WNT2: variants seen among roughly 807,000 people sequenced by gnomAD.
WNT2 encodes protein Wnt-2.
A neutral mutation model predicts 36.9 loss-of-function variants in WNT2; 12 were observed. The ratio of observed to expected loss-of-function variants is 0.33; its 90% CI spans 0.21 to 0.53. The LOEUF is 0.53. Among genes scored for constraint, WNT2 ranks in the 20% least tolerant of loss-of-function variants. The pLI is 0.95. For synonymous variants in WNT2, 163 were observed against 174.6 expected (o/e 0.93, Z 0.52); for missense variants, 379 against 473.1 (o/e 0.80, Z 1.84).
intron 4 of WNT2, 151 bp from the exon 5 acceptor site, chr7:117,278,535 T>A: frequency 1.3e-6 from 1 of 742,258 alleles, no homozygotes; most frequent in Non-Finnish European, 2.2e-6. Context: ...TGTGGGCCCA[T>A]GCCATGTGTG....
chr7:117,301,538 C>T (rs1449353459), intron 3 of WNT2, among the ~76,000 whole-genome samples: 1 of 152,174 alleles, frequency 6.6e-6, no homozygotes. Flanking sequence ...CCAGGCTCCA[C>T]ACCAGGTGGT....
chr7:117,290,988 A>G (rs917006785), intron 4 of WNT2, among the ~76,000 whole-genome samples: 3 of 152,242 alleles, frequency 2.0e-5, no homozygotes, highest in African/African-American at 7.2e-5. Context: ...ATGTTTAATC[A>G]TTAAAAACAT....
chr7:117,278,905 G>T (rs1794430815), intron 4 of WNT2, among the ~76,000 whole-genome samples: 1 of 152,206 alleles, frequency 6.6e-6, no homozygotes, highest in Non-Finnish European at 1.5e-5. Flanking sequence ...AAAGGGAATA[G>T]AACTCTGGTT....
At chr7:117,301,630 G>A (rs1472599028) in intron 3 of WNT2, among the ~76,000 whole-genome samples, 2 of 152,164 alleles carry the variant, frequency 1.3e-5, no homozygotes, top group Non-Finnish European at 2.9e-5. Context: ...TGCGCTCTGC[G>A]AGGAAAGGAA....
At chr7:117,313,208 G>A (rs1426275862) in intron 3 of WNT2, among the ~76,000 whole-genome samples, 2 of 152,114 alleles carry the variant, frequency 1.3e-5, no homozygotes, top group African/African-American at 4.8e-5. Context: ...TCTAATGACC[G>A]CAAGAAGAGA....
At chr7:117,315,777 C>T (rs2116387842) in intron 2 of WNT2, among the ~76,000 whole-genome samples, 1 of 152,334 alleles carries the variant, frequency 6.6e-6, no homozygotes. Context: ...GTACTCATGA[C>T]ACCACAGCTT....
chr7:117,276,896 T>C lies in WNT2; in HGVS notation c.*1259A>G, dbSNP rs1459995680. The stretch of plus-strand genomic sequence containing the variant: ...TTAAACATAGTCTCCAAGTTACGAT[T>C]TGTTTGCAATATAATATAGCAGGGT... On this transcript the variant is annotated 3_prime_UTR_variant, in exon 5 of 5. Transcript: ENST00000265441. 1 of 152,252 alleles carries C rather than the reference T, an allele frequency of 6.6e-6. No individual in the cohort carries two copies. The highest frequency in any genetic ancestry group is 2.4e-5 in the African/African-American group (1 of 41,470). The allele number at this position is 152,252 out of a possible 1,614,324, so 9.4% of individuals were successfully genotyped here.
intron 4 of WNT2, among the ~76,000 whole-genome samples, chr7:117,291,055 C>T (rs181276252): frequency 1.5e-3 from 222 of 152,304 alleles, no homozygotes; most frequent in African/African-American, 5.1e-3. Context: ...TGAGCTTCTG[C>T]AAAGTAGGCC....
intron 4 of WNT2, among the ~76,000 whole-genome samples, chr7:117,289,578 C>CTTAGAATTA (rs1794648131): frequency 6.6e-6 from 1 of 152,186 alleles, no homozygotes; most frequent in African/African-American, 2.4e-5. Flanking sequence ...AGCTATGAAG[C>CTTAGAATTA]AGCGCTAACA....
chr7:117,311,664 T>A (rs1234802972), intron 3 of WNT2, among the ~76,000 whole-genome samples: 1 of 152,244 alleles, frequency 6.6e-6, no homozygotes. Flanking sequence ...GTGATCAGAT[T>A]GAATCCTAAA....
chr7:117,300,249 C>T (rs1442004602), intron 3 of WNT2, among the ~76,000 whole-genome samples: 1 of 152,060 alleles, frequency 6.6e-6, no homozygotes, highest in Non-Finnish European at 1.5e-5. Flanking sequence ...TGCAGTGGCG[C>T]GATCTCAGCT....
At chr7:117,288,622 G>A (rs1794629385) in intron 4 of WNT2, among the ~76,000 whole-genome samples, 2 of 152,048 alleles carry the variant, frequency 1.3e-5, no homozygotes, top group South Asian at 4.1e-4. Flanking sequence ...AGATAAAAGG[G>A]CATCTATTTG....
rs201122047 is a variant in WNT2, at chr7:117,284,023, AG to A, written c.854-5640del. 0.012 allele frequency among the ~76,000 whole-genome samples: 1,838 copies of A among 152,276 alleles called. 43 individuals are homozygous for A. The highest frequency in any genetic ancestry group is 0.042 in the African/African-American group (1,749 of 41,562). On this transcript the variant is annotated intron_variant, in intron 4 of 4. Transcript: ENST00000265441. The surrounding 1 kb of genome is among the most constrained non-coding windows in gnomAD (Gnocchi z 5.2). ...GGAAAGGGCAGTCCCTGCAGCTGGA[AG>A]GGAGGATGAGGCTGCCTAGTGATGG...
At chr7:117,303,785 C>A (rs1025159533) in intron 3 of WNT2, among the ~76,000 whole-genome samples, 2 of 152,202 alleles carry the variant, frequency 1.3e-5, no homozygotes, top group African/African-American at 4.8e-5. Flanking sequence ...AGATCACAAA[C>A]CTTTGTATCA....
At chr7:117,286,648 G>A (rs1232327250) in intron 4 of WNT2, among the ~76,000 whole-genome samples, 1 of 152,148 alleles carries the variant, frequency 6.6e-6, no homozygotes, top group Non-Finnish European at 1.5e-5. Flanking sequence ...TGTCATTAAT[G>A]ACACAGATTT....
rs1215223016 is a variant in WNT2 at position 117,315,290 on chromosome 7, G to A, written c.369C>T (p.Ile123=). The change falls in exon 3 of 5, where the codon ATC becomes ATT. Residue 123 remains isoleucine, a synonymous_variant. Transcript: ENST00000265441. ...CTTCTCCTTGGCTACAGGCCCTGGTGATGGCAAATACAACTCCAGCTGAGG... is the reference window on the plus strand; with the variant it reads ...CTTCTCCTTGGCTACAGGCCCTGGTAATGGCAAATACAACTCCAGCTGAGG... ...AISSAGVVFA[I]TRACSQGEVK... 1.9e-6 allele frequency: 3 copies of A among 1,614,172 alleles called. No homozygotes were observed. The highest frequency in any genetic ancestry group is 2.2e-5 in the East Asian group (1 of 44,882).
intron 2 of WNT2, among the ~76,000 whole-genome samples, chr7:117,317,519 A>G (rs559547602): frequency 2.6e-5 from 4 of 152,328 alleles, no homozygotes; most frequent in Admixed American, 2.6e-4. Flanking sequence ...TAATAGCCCT[A>G]AAATGTTTTC....
At chr7:117,287,247 AG>A (rs1794600617) in intron 4 of WNT2, among the ~76,000 whole-genome samples, 1 of 152,196 alleles carries the variant, frequency 6.6e-6, no homozygotes, top group Non-Finnish European at 1.5e-5. Context: ...CAGGAGGCTG[AG>A]GCAGGAGAAT....
intron 1 of WNT2, among the ~76,000 whole-genome samples, chr7:117,321,187 G>A (rs1387086578): frequency 6.6e-6 from 1 of 152,182 alleles, no homozygotes. Flanking sequence ...GTGACACAAT[G>A]TGTCTGGACT....
Sources: allele counts gnomAD v4.1 joint callset (sites outside exome capture counted in the v4.1 genomes callset), GRCh38; gene constraint gnomAD v4.1.1; non-coding constraint Gnocchi (gnomAD v3.1); transcripts MANE v1.5; gene names NCBI Gene and HGNC (gene_info 2026-07-23, HGNC 2026-07-21).